Variants in SPIDR observed in about 807,000 individuals in gnomAD.
The protein encoded by SPIDR is scaffold protein involved in DNA repair.
A neutral mutation model predicts 104.6 loss-of-function variants in SPIDR; 93 were observed. That is an observed-to-expected ratio of 0.89 (90% CI 0.75 to 1.06). The LOEUF (loss-of-function observed/expected upper bound fraction) is 1.06, where lower values mean the gene tolerates loss of function less well. Ranked by LOEUF, SPIDR falls within the 50% of genes least tolerant of loss-of-function variation. SPIDR has a pLI of 0.00. For missense variants in SPIDR, 1,154 were observed against 1,111.2 expected (o/e 1.04, Z -0.55); for synonymous variants, 431 against 416.9 (o/e 1.03, Z -0.41).
At chr8:47,626,041 T>G (rs904653503) in intron 10 of SPIDR, among the ~76,000 whole-genome samples, 2 of 152,054 alleles carry the variant, frequency 1.3e-5, no homozygotes, top group African/African-American at 4.8e-5. Flanking sequence ...AAAACAGAGA[T>G]ATAGACCAAT....
At chr8:47,352,261 G>A (rs1161451665) in intron 5 of SPIDR, among the ~76,000 whole-genome samples, 2 of 145,018 alleles carry the variant, frequency 1.4e-5, no homozygotes, top group African/African-American at 5.0e-5. Context: ...TGGTGACAGA[G>A]CCAGACTCCA....
rs1390622053 is a variant in SPIDR at position 47,290,972 on chromosome 8, G to A, written c.257-61G>A. On this transcript the variant is annotated intron_variant, in intron 3 of 19. Transcript: ENST00000297423. ...TTGGCAAAATTACATGCATAAAATTGTATTCTGATAAATGACCATATAAGG... is the reference window on the plus strand; with the variant it reads ...TTGGCAAAATTACATGCATAAAATTATATTCTGATAAATGACCATATAAGG... 7.7e-6 allele frequency: 10 copies of A among 1,291,154 alleles called. No homozygotes were observed. The Admixed American group carries it at 1.5e-4, about 20-fold the overall frequency. The allele number at this position is 1,291,154 out of a possible 1,614,324, so 80.0% of individuals were successfully genotyped here. A position where few individuals can be genotyped will look rare whatever the true frequency, so the allele number is the denominator to read the frequency against.
At chr8:47,464,328 T>TA (rs1432579808) in intron 8 of SPIDR, among the ~76,000 whole-genome samples, 2 of 152,140 alleles carry the variant, frequency 1.3e-5, no homozygotes, top group Non-Finnish European at 2.9e-5. Context: ...GCCAGACTCT[T>TA]ACAATAAAAA....
intron 8 of SPIDR, among the ~76,000 whole-genome samples, chr8:47,446,141 G>A (rs1396191349): frequency 2.0e-5 from 3 of 152,226 alleles, no homozygotes; most frequent in Non-Finnish European, 4.4e-5. Context: ...AGCTGGCGAG[G>A]AAAAGTCAAT....
rs924874140 is a variant in SPIDR, at chr8:47,468,045, G to A, written c.1097+27503G>A. Among the ~76,000 whole-genome samples the A allele has an allele frequency of 3.2e-4, 49 of 152,132 alleles. 1 individual carries two copies. The highest frequency in any genetic ancestry group is 1.1e-3 in the African/African-American group (46 of 41,510). ...CAAAATCAGTGCGCAAAATTCACTA[G>A]CATTTCTATACACCAGCCATCAAGC... On this transcript the variant is annotated intron_variant, in intron 8 of 19. Coordinates refer to ENST00000297423, the MANE Select transcript of SPIDR (RefSeq NM_001080394.4).
At chr8:47,714,631 C>T (rs564251948) in intron 16 of SPIDR, among the ~76,000 whole-genome samples, 1 of 152,328 alleles carries the variant, frequency 6.6e-6, no homozygotes, top group South Asian at 2.1e-4. Context: ...ATCCAGGAGA[C>T]ACAGCTGCCC....
At position 47,396,620 on chromosome 8, in the gene SPIDR, T is replaced by A. The variant is rs2061278737; in HGVS notation, c.770T>A (p.Leu257His). ...CCAGAAAATTCAGCAAAGAAGAAGC[T>A]TTTAAGGTTAAATTATACCCTTTTA... ...RTPENSAKKKLLRGGLAERLN... is the reference protein window; with the variant it reads ...RTPENSAKKKHLRGGLAERLN... The change falls in exon 6 of 20, where the codon CTT becomes CAT. Residue 257 changes from leucine (L) to histidine (H), a missense_variant. Transcript: ENST00000297423. 2 of 1,611,598 alleles carry A rather than the reference T, an allele frequency of 1.2e-6. No homozygotes were observed. The highest frequency in any genetic ancestry group is 1.7e-6 in the Non-Finnish European group (2 of 1,179,218).
intron 7 of SPIDR, among the ~76,000 whole-genome samples, chr8:47,416,949 A>G (rs1554675858): frequency 6.6e-6 from 1 of 152,226 alleles, no homozygotes; most frequent in African/African-American, 2.4e-5. Context: ...TACAAAGGAC[A>G]TGAACTCATC....
intron 5 of SPIDR, among the ~76,000 whole-genome samples, chr8:47,393,625 CT>C (rs1243585153): frequency 6.6e-6 from 1 of 151,072 alleles, no homozygotes; most frequent in African/African-American, 2.4e-5. Context: ...CTTTTCTTTT[CT>C]TTTTTTTTCT....
chr8:47,663,865 G>A (rs2074491012), intron 10 of SPIDR, among the ~76,000 whole-genome samples: 2 of 152,134 alleles, frequency 1.3e-5, no homozygotes, highest in Non-Finnish European at 2.9e-5. Flanking sequence ...AGCAGAATGA[G>A]GACACAGTGG....
intron 8 of SPIDR, among the ~76,000 whole-genome samples, chr8:47,503,868 G>A (rs1379067651): frequency 6.6e-6 from 1 of 152,128 alleles, no homozygotes; most frequent in South Asian, 2.1e-4. Context: ...TGTCTGTAAA[G>A]GATTTTATTT....
intron 5 of SPIDR, among the ~76,000 whole-genome samples, chr8:47,302,820 G>C (rs911095716): frequency 1.3e-5 from 2 of 152,156 alleles, no homozygotes; most frequent in Non-Finnish European, 2.9e-5. Context: ...TTGTCTCAGA[G>C]GAGTACCTGG....
chr8:47,276,564 A>C (rs2036467679), intron 1 of SPIDR, among the ~76,000 whole-genome samples: 1 of 152,246 alleles, frequency 6.6e-6, no homozygotes, highest in Non-Finnish European at 1.5e-5. Flanking sequence ...GGGGAAACAA[A>C]ATAAAAAACT....
At chr8:47,332,920 G>A (rs1490824133) in intron 5 of SPIDR, among the ~76,000 whole-genome samples, 2 of 142,646 alleles carry the variant, frequency 1.4e-5, no homozygotes, top group East Asian at 2.1e-4. Flanking sequence ...AGATGAGTAG[G>A]TTGCAAAAAT....
At chr8:47,395,410 T>C (rs142074519) in intron 5 of SPIDR, among the ~76,000 whole-genome samples, 5 of 152,304 alleles carry the variant, frequency 3.3e-5, no homozygotes, top group African/African-American at 7.2e-5. Context: ...TTTTGTTTTA[T>C]GTAGATTTGC....
intron 8 of SPIDR, among the ~76,000 whole-genome samples, chr8:47,568,710 A>G (rs771024736): frequency 1.8e-4 from 27 of 152,178 alleles, no homozygotes; most frequent in Non-Finnish European, 1.6e-4. Flanking sequence ...GGGCAGAAAA[A>G]ATATTTAAAG....
At chr8:47,390,980 C>T (rs1314868246) in intron 5 of SPIDR, among the ~76,000 whole-genome samples, 14 of 152,152 alleles carry the variant, frequency 9.2e-5, no homozygotes, top group Admixed American at 8.5e-4. Flanking sequence ...CTCTTCCACC[C>T]TCTCTGGCAC....
intron 8 of SPIDR, among the ~76,000 whole-genome samples, chr8:47,479,204 C>G (rs562665208): frequency 4.6e-4 from 70 of 151,870 alleles, no homozygotes; most frequent in Admixed American, 1.3e-3. Context: ...ACTAAAAATA[C>G]AGAAAATTAG....
chr8:47,441,853 AT>A (rs1268908203), intron 8 of SPIDR, among the ~76,000 whole-genome samples: 3 of 152,006 alleles, frequency 2.0e-5, no homozygotes, highest in Non-Finnish European at 4.4e-5. Context: ...ATGCAATTTT[AT>A]TTTTTTCCAA....
Sources: allele counts gnomAD v4.1 joint callset (sites outside exome capture counted in the v4.1 genomes callset), GRCh38; gene constraint gnomAD v4.1.1; transcripts MANE v1.5; gene names NCBI Gene and HGNC (gene_info 2026-07-23, HGNC 2026-07-21).